Variants in NEDD8 observed in about 807,000 individuals in gnomAD.
NEDD8 encodes the protein ubiquitin-like protein NEDD8.
NEDD8 carries 1 observed loss-of-function variant against 13.8 expected under a neutral mutation model. The observed-to-expected ratio is 0.07, with a 90% CI of 0.03 to 0.34. NEDD8 has a LOEUF of 0.34. Ranked by LOEUF, NEDD8 falls within the 10% of genes least tolerant of loss-of-function variation. NEDD8 has a pLI of 0.99. For synonymous variants in NEDD8, 31 were observed against 33.2 expected (o/e 0.93, Z 0.23); for missense variants, 10 against 95.2 (o/e 0.10, Z 3.73).
chr14:24,231,810 C>A (rs1369832723), intron 1 of NEDD8: 1 of 168,968 alleles, frequency 5.9e-6, no homozygotes, highest in Non-Finnish European at 1.3e-5. Flanking sequence ...TGGGAGGCCC[C>A]GATTTTAGGG....
At chr14:24,217,535 C>G (rs2039729809) in intron 3 of NEDD8, among the ~76,000 whole-genome samples, 1 of 152,148 alleles carries the variant, frequency 6.6e-6, no homozygotes, top group Admixed American at 6.5e-5. Context: ...GGTGATCCAC[C>G]CCCTTCAGCC....
chr14:24,230,652 CTT>C (rs2039982514), intron 1 of NEDD8, among the ~76,000 whole-genome samples: 2 of 145,560 alleles, frequency 1.4e-5, no homozygotes, highest in African/African-American at 5.1e-5. Flanking sequence ...GAGTTTCACT[CTT>C]GTCGCCCAGG....
intron 1 of NEDD8, chr14:24,218,874 G>A (rs1250421765): frequency 3.7e-5 from 8 of 217,232 alleles, no homozygotes; most frequent in Admixed American, 1.1e-4. Flanking sequence ...AGCCTCCCAC[G>A]TAGCTGGGAT....
At position 24,232,330 on chromosome 14, in the gene NEDD8, G is replaced by A. The variant is rs2040062649; in HGVS notation, c.-63C>T. On this transcript the variant is annotated 5_prime_UTR_variant, in exon 1 of 4. Transcript: ENST00000250495. The stretch of plus-strand genomic sequence containing the variant: ...TGCTCCTACCGCTCCGGTCGCCGCT[G>A]CCGCCCTCCAGCACTCTTGCCTGCA... The A allele has an allele frequency of 2.5e-6, 4 of 1,586,840 alleles. No individual in the cohort carries two copies. The highest frequency in any genetic ancestry group is 2.3e-5 in the East Asian group (1 of 44,222).
At chr14:24,221,102 T>C (rs2039800553) in intron 1 of NEDD8, among the ~76,000 whole-genome samples, 1 of 152,212 alleles carries the variant, frequency 6.6e-6, no homozygotes, top group Non-Finnish European at 1.5e-5. Context: ...TGCTGGTCTG[T>C]GTGAAAATTT....
Position 24,217,119 on chromosome 14 carries a change from AG to A in NEDD8, c.*7del, listed in dbSNP as rs761487173. Reference sequence around the variant, plus strand: ...GCGACAGGGTAAAGAGGTAAAATGGAGGGTCCATCACTGCCTAAGACCACCT... The same window carrying A: ...GCGACAGGGTAAAGAGGTAAAATGGAGGTCCATCACTGCCTAAGACCACCT... On this transcript the variant is annotated 3_prime_UTR_variant, in exon 4 of 4. Coordinates refer to ENST00000250495, the MANE Select transcript of NEDD8 (RefSeq NM_006156.3). The A allele has an allele frequency of 2.5e-6, 4 of 1,607,018 alleles. No individual in the cohort carries two copies. In the South Asian group the frequency reaches 4.4e-5, roughly 18 times the overall value.
intron 1 of NEDD8, among the ~76,000 whole-genome samples, chr14:24,222,757 C>T (rs2039827685): frequency 6.6e-6 from 1 of 151,950 alleles, no homozygotes; most frequent in Non-Finnish European, 1.5e-5. Flanking sequence ...TTTTTTCTAA[C>T]CAAATCCTAA....
At chr14:24,217,274 T>TTG (rs2039719509) in intron 3 of NEDD8, 51 bp from the exon 4 acceptor site, 4 of 1,206,088 alleles carry the variant, frequency 3.3e-6, no homozygotes, top group East Asian at 2.5e-5. Flanking sequence ...TTAGGAGTTT[T>TTG]TTGTTGTTGT....
intron 1 of NEDD8, among the ~76,000 whole-genome samples, chr14:24,225,170 T>TC (rs1245276643): frequency 1.6e-3 from 54 of 34,776 alleles, no homozygotes; most frequent in Non-Finnish European, 3.0e-3. Context: ...AGACTCTGTC[T>TC]CAAAAAAAAA....
At chr14:24,229,516 C>G (rs530831217) in intron 1 of NEDD8, among the ~76,000 whole-genome samples, 1 of 152,280 alleles carries the variant, frequency 6.6e-6, no homozygotes. Context: ...CCACGCCTGG[C>G]CTTTCAAACA....
At chr14:24,229,348 T>A (rs768732218) in intron 1 of NEDD8, among the ~76,000 whole-genome samples, 4 of 152,216 alleles carry the variant, frequency 2.6e-5, no homozygotes, top group Admixed American at 1.3e-4. Context: ...CCCTGTCAAG[T>A]GGCTGGGACT....
intron 1 of NEDD8, among the ~76,000 whole-genome samples, chr14:24,230,100 A>C (rs548946252): frequency 6.6e-6 from 1 of 151,756 alleles, no homozygotes; most frequent in African/African-American, 2.4e-5. Context: ...AGTGTTTCTC[A>C]AGATTTTGAC....
At chr14:24,223,103 A>C (rs112386285) in intron 1 of NEDD8, among the ~76,000 whole-genome samples, 7 of 149,500 alleles carry the variant, frequency 4.7e-5, no homozygotes, top group African/African-American at 1.5e-4. Flanking sequence ...AAAAAAAAAA[A>C]AAAAATAGAG....
intron 1 of NEDD8, among the ~76,000 whole-genome samples, chr14:24,230,985 G>A (rs993110840): frequency 2.0e-5 from 3 of 151,866 alleles, no homozygotes; most frequent in Non-Finnish European, 2.9e-5. Flanking sequence ...GACATCCCAG[G>A]ATCAATCAAT....
intron 1 of NEDD8, among the ~76,000 whole-genome samples, chr14:24,226,229 C>T (rs367893569): frequency 3.9e-5 from 6 of 151,916 alleles, no homozygotes; most frequent in South Asian, 2.1e-4. Flanking sequence ...CAGTGGCTCA[C>T]GCTTGTAATC....
chr14:24,226,862 T>C (rs958648523), intron 1 of NEDD8: 2 of 152,216 alleles, frequency 1.3e-5, no homozygotes, highest in African/African-American at 4.8e-5. Context: ...TAAAAACATA[T>C]GTTTACAAAA....
rs536562747 is a variant in NEDD8, at chr14:24,220,316, A to AT, written c.19-1886dup. On this transcript the variant is annotated intron_variant, in intron 1 of 3. Coordinates refer to ENST00000250495, the MANE Select transcript of NEDD8 (RefSeq NM_006156.3). Reference sequence around the variant, plus strand: ...TCACAGCTAACATTTACTGAAAACTATTTTTTTCCTTTTATTTTTTTAAGA... The same window carrying AT: ...TCACAGCTAACATTTACTGAAAACTATTTTTTTTCCTTTTATTTTTTTAAGA... Among the ~76,000 whole-genome samples, 363 of 152,138 alleles carry AT rather than the reference A, an allele frequency of 2.4e-3. 2 individuals carry two copies. Among genetic ancestry groups the AT allele is most frequent in the African/African-American group, 8.4e-3 (350 of 41,510 alleles).
intron 1 of NEDD8, among the ~76,000 whole-genome samples, chr14:24,219,301 AAACAACAACAAC>A (rs147656745): frequency 2.0e-5 from 3 of 148,692 alleles, no homozygotes; most frequent in Non-Finnish European, 3.0e-5. Context: ...GTCTCAACCA[AAACAACAACAAC>A]AACAACAACA....
Position 24,232,269 on chromosome 14 carries a change from T to G in NEDD8, c.-2A>C. On this transcript the variant is annotated 5_prime_UTR_variant, in exon 1 of 4. Transcript: ENST00000250495. ...TCCCACCTTCACTTTAATTAGCATC[T>G]TCTTTCCAGTTTGGGGCTGCACACG... The G allele has an allele frequency of 6.2e-7, 1 of 1,614,058 alleles. No individual in the cohort carries two copies. Among genetic ancestry groups the G allele is most frequent in the Non-Finnish European group, 8.5e-7 (1 of 1,179,974 alleles).
Sources: allele counts gnomAD v4.1 joint callset (sites outside exome capture counted in the v4.1 genomes callset), GRCh38; gene constraint gnomAD v4.1.1; transcripts MANE v1.5; gene names NCBI Gene and HGNC (gene_info 2026-07-23, HGNC 2026-07-21).